TBC1D19: variants seen among roughly 807,000 people sequenced by gnomAD.
TBC1D19 encodes TBC1 domain family, member 19.
In TBC1D19, 60 loss-of-function variants were observed where a neutral mutation model predicts 89.0. That is an observed-to-expected ratio of 0.67 (90% confidence interval 0.55 to 0.84). The LOEUF (loss-of-function observed/expected upper bound fraction) is 0.84, where lower values mean the gene tolerates loss of function less well. Ranked by LOEUF, TBC1D19 falls within the 40% of genes least tolerant of loss-of-function variation. TBC1D19 has a pLI of 0.00. For missense variants in TBC1D19, 500 were observed against 610.8 expected (o/e 0.82, Z 1.91); for synonymous variants, 189 against 199.7 (o/e 0.95, Z 0.45).
At chr4:26,817,949 C>T in the TBC1D19 span, among the ~76,000 whole-genome samples, 2 of 125,850 alleles carry the variant, frequency 1.6e-5, no homozygotes, top group South Asian at 4.9e-4. Context: ...GCCTGGGTAA[C>T]AAGAGTGGAA....
chr4:26,810,270 C>T, the TBC1D19 span, among the ~76,000 whole-genome samples: 3 of 152,196 alleles, frequency 2.0e-5, no homozygotes, highest in Non-Finnish European at 4.4e-5. Context: ...AGTAGCTCTT[C>T]GGATCATCTC....
chr4:26,662,036 G>A (rs1281198957), intron 8 of TBC1D19, among the ~76,000 whole-genome samples: 1 of 152,076 alleles, frequency 6.6e-6, no homozygotes, highest in Admixed American at 6.6e-5. Context: ...TTCAGATGTC[G>A]TTTACCAGTC....
At chr4:26,849,034 A>G in the TBC1D19 span, among the ~76,000 whole-genome samples, 2 of 152,102 alleles carry the variant, frequency 1.3e-5, no homozygotes, top group Non-Finnish European at 2.9e-5. Flanking sequence ...TAGCTGGGCC[A>G]TCATGTTGCA....
intron 11 of TBC1D19, among the ~76,000 whole-genome samples, chr4:26,680,456 G>A (rs1713235528): frequency 6.6e-6 from 1 of 152,024 alleles, no homozygotes; most frequent in Admixed American, 6.5e-5. Context: ...AGGAATAAAA[G>A]TAAATCTTAA....
At chr4:26,630,659 A>G (rs943822324) in intron 4 of TBC1D19, among the ~76,000 whole-genome samples, 1 of 152,040 alleles carries the variant, frequency 6.6e-6, no homozygotes, top group East Asian at 1.9e-4. Flanking sequence ...CTTTTGCTCC[A>G]GGACTTCTGG....
In TBC1D19 at chr4:26,640,129, A is replaced by G. The variant is rs140003356; in HGVS notation, c.434-12A>G. On this transcript the variant is annotated splice_polypyrimidine_tract_variant and intron_variant, in intron 6 of 20. Coordinates refer to ENST00000264866, the MANE Select transcript of TBC1D19 (RefSeq NM_018317.4). Reference sequence around the variant, plus strand: ...TTAGCTGAAATTTTGTTTATAATCTATCTTATTCTAGATTTAAGCCTTTTC... The same window carrying G: ...TTAGCTGAAATTTTGTTTATAATCTGTCTTATTCTAGATTTAAGCCTTTTC... 5.2e-4 allele frequency: 831 copies of G among 1,593,124 alleles called. 5 individuals carry two copies. In the African/African-American group the frequency reaches 0.01, roughly 20 times the overall value.
chr4:26,741,315 C>T (rs1221607181), intron 17 of TBC1D19, among the ~76,000 whole-genome samples: 1 of 144,996 alleles, frequency 6.9e-6, no homozygotes, highest in Non-Finnish European at 1.5e-5. Context: ...GAGATTGCGC[C>T]ACTACAGTCC....
At chr4:26,626,775 C>T (rs1468209934) in intron 4 of TBC1D19, among the ~76,000 whole-genome samples, 1 of 151,580 alleles carries the variant, frequency 6.6e-6, no homozygotes, top group Non-Finnish European at 1.5e-5. Context: ...ACTGTCACTC[C>T]TTTTCCTAAA....
chr4:26,685,882 G>A (rs567156242), intron 12 of TBC1D19, among the ~76,000 whole-genome samples: 3 of 152,296 alleles, frequency 2.0e-5, no homozygotes, highest in African/African-American at 7.2e-5. Context: ...AAAAAAGTAA[G>A]GAGTGCTAGG....
At chr4:26,582,836 T>G (rs1481703333), upstream of TBC1D19, among the ~76,000 whole-genome samples, 1 of 152,150 alleles carries the variant, frequency 6.6e-6, no homozygotes, top group Non-Finnish European at 1.5e-5. Flanking sequence ...TTCTGGATGG[T>G]GGTGTTATAA....
upstream of TBC1D19, among the ~76,000 whole-genome samples, chr4:26,579,836 A>G (rs544264470): frequency 1.7e-3 from 256 of 152,272 alleles, no homozygotes; most frequent in African/African-American, 6.0e-3. Context: ...CTTTCAAGAC[A>G]GCGGTAGGAC....
Position 26,756,054 on chromosome 4 carries a change from G to A in TBC1D19, c.*1107G>A, listed in dbSNP as rs763109301. 1.1e-3 allele frequency among the ~76,000 whole-genome samples: 170 copies of A among 152,236 alleles called. No homozygotes were observed. Among genetic ancestry groups the A allele is most frequent in the Middle Eastern group, 3.4e-3 (1 of 294 alleles). ...AAACTGTAAATCAGTAGATTGATAC[G>A]CTTATTGATTGCCTAGAATTTTATT... On this transcript the variant is annotated 3_prime_UTR_variant, in exon 21 of 21. Coordinates refer to ENST00000264866, the MANE Select transcript of TBC1D19 (RefSeq NM_018317.4).
At chr4:26,748,016 G>A (rs569566457) in intron 18 of TBC1D19, among the ~76,000 whole-genome samples, 1 of 152,212 alleles carries the variant, frequency 6.6e-6, no homozygotes, top group African/African-American at 2.4e-5. Flanking sequence ...AAATATGCAG[G>A]CATTGAACAA....
At chr4:26,651,841 C>T (rs1744411322) in intron 7 of TBC1D19, among the ~76,000 whole-genome samples, 1 of 152,092 alleles carries the variant, frequency 6.6e-6, no homozygotes, top group African/African-American at 2.4e-5. Flanking sequence ...ATGATATTGG[C>T]TGTGGGTTTG....
the TBC1D19 span, among the ~76,000 whole-genome samples, chr4:26,783,338 T>G: frequency 2.6e-5 from 4 of 152,204 alleles, no homozygotes; most frequent in Non-Finnish European, 5.9e-5. Context: ...TCTCATAGTT[T>G]CCAACTTGAA....
intron 11 of TBC1D19, among the ~76,000 whole-genome samples, chr4:26,679,358 G>A (rs1483798332): frequency 2.0e-5 from 3 of 152,238 alleles, no homozygotes; most frequent in Admixed American, 6.5e-5. Context: ...TTCAGAGGGT[G>A]CAAGCTCCAA....
At chr4:26,683,582 C>T in intron 11 of TBC1D19, 93 bp from the exon 12 acceptor site, 1 of 973,306 alleles carries the variant, frequency 1.0e-6, no homozygotes, top group South Asian at 1.6e-5. Flanking sequence ...TCCTGCCCTT[C>T]TTAGTGTTTA....
intron 13 of TBC1D19, among the ~76,000 whole-genome samples, chr4:26,708,218 T>C (rs1715884334): frequency 6.6e-6 from 1 of 152,106 alleles, no homozygotes; most frequent in South Asian, 2.1e-4. Context: ...TCTCTCACTT[T>C]TGAAGGACAG....
chr4:26,731,728 G>A (rs753645847), intron 15 of TBC1D19, among the ~76,000 whole-genome samples: 9 of 152,142 alleles, frequency 5.9e-5, no homozygotes, highest in Admixed American at 1.3e-4. Context: ...AAAAGTTTCT[G>A]TGGGACAAGA....
Sources: allele counts gnomAD v4.1 joint callset (sites outside exome capture counted in the v4.1 genomes callset), GRCh38; gene constraint gnomAD v4.1.1; transcripts MANE v1.5; gene names NCBI Gene and HGNC (gene_info 2026-07-23, HGNC 2026-07-21).